The following WDR11 variants were observed in gnomAD, a reference collection of about 807,000 sequenced individuals.
The protein encoded by WDR11 is WD repeat domain 11, also known as WD repeat-containing protein 11.
Under a neutral mutation model 151.2 loss-of-function variants are expected in WDR11, and 83 were observed. The observed-to-expected ratio is 0.55, with a 90% confidence interval of 0.46 to 0.66. WDR11 has a LOEUF of 0.66. Ranked by LOEUF, WDR11 falls within the 30% of genes least tolerant of loss-of-function variation. WDR11 has a pLI of 0.00. For missense variants in WDR11, 1,301 were observed against 1,480.9 expected, an observed-to-expected ratio of 0.88 and a Z score of 1.99; for synonymous variants, 484 against 533.1, an observed-to-expected ratio of 0.91 and a Z score of 1.27.
At position 120,864,675 on chromosome 10, in the gene WDR11, G is replaced by GAA. The variant is rs1483972785; in HGVS notation, c.714-371_714-370insAA. On this transcript the variant is annotated intron_variant, in intron 5 of 28. Transcript: ENST00000263461. ...GTTGATGTTTTTCATCCTGAGTCTT[G>GAA]ATTTTAACAGTTTGCCTAGTACTTT... Among the ~76,000 whole-genome samples, 32 of 152,216 alleles carry GAA rather than the reference G, an allele frequency of 2.1e-4. No individual in the cohort carries two copies. The South Asian group carries it at 4.8e-3, about 23-fold the overall frequency.
At chr10:120,894,514 G>A (rs1188078003) in intron 19 of WDR11, among the ~76,000 whole-genome samples, 1 of 152,266 alleles carries the variant, frequency 6.6e-6, no homozygotes, top group African/African-American at 2.4e-5. Flanking sequence ...GTGTTCCTTA[G>A]CTCTCTTTTT....
chr10:120,859,445 T>G (rs534177500), intron 3 of WDR11, among the ~76,000 whole-genome samples: 11 of 151,780 alleles, frequency 7.2e-5, no homozygotes, highest in Non-Finnish European at 1.6e-4. Flanking sequence ...TTTTTTGTAT[T>G]TTTAGTAGAG....
intron 11 of WDR11, 134 bp from the exon 12 acceptor site, chr10:120,878,219 T>C (rs546211730): frequency 1.4e-3 from 969 of 680,338 alleles, no homozygotes; most frequent in Non-Finnish European, 2.1e-3. Context: ...CATGTTAAGA[T>C]AAAAGGTCAT....
intron 16 of WDR11, among the ~76,000 whole-genome samples, chr10:120,888,649 G>T (rs1441698711): frequency 6.6e-6 from 1 of 152,108 alleles, no homozygotes. Flanking sequence ...TTTTTCAATA[G>T]AAAAATCACG....
At chr10:120,857,605 G>T (rs1331297912) in intron 2 of WDR11, among the ~76,000 whole-genome samples, 3 of 152,096 alleles carry the variant, frequency 2.0e-5, no homozygotes, top group South Asian at 2.1e-4. Flanking sequence ...AAACCTTAAG[G>T]CCTGTTCACG....
Position 120,885,889 on chromosome 10 carries a change from A to C in WDR11, c.1924A>C (p.Thr642Pro). The C allele has an allele frequency of 6.2e-7, 1 of 1,613,890 alleles. No homozygotes were observed. The highest frequency in any genetic ancestry group is 2.2e-5 in the East Asian group (1 of 44,868). ...AACTCGAGAGGCCATGGCCCGCCAGACCGTAGTCTCAGACACAGAGCTGAG... is the reference window on the plus strand; with the variant it reads ...AACTCGAGAGGCCATGGCCCGCCAGCCCGTAGTCTCAGACACAGAGCTGAG... ...LATREAMARQTVVSDTELSIV... is the reference protein window; with the variant it reads ...LATREAMARQPVVSDTELSIV... Residue 642 changes from threonine to proline, a missense_variant, in exon 15 of 29, where the codon ACC becomes CCC. Transcript: ENST00000263461.
intron 16 of WDR11, among the ~76,000 whole-genome samples, chr10:120,888,057 A>G (rs1449910183): frequency 2.6e-5 from 4 of 152,170 alleles, no homozygotes; most frequent in South Asian, 2.1e-4. Context: ...CTAATGGTCA[A>G]TTATTCAAAC....
chr10:120,851,607 C>T (rs1217642647), intron 1 of WDR11, 101 bp downstream of exon 1: 19 of 1,446,058 alleles, frequency 1.3e-5, no homozygotes, highest in Non-Finnish European at 1.6e-5. Flanking sequence ...TTTGGCCTCG[C>T]TAAGGCAGGG....
chr10:120,873,008 T>G (rs1001068105), intron 10 of WDR11, among the ~76,000 whole-genome samples: 1 of 152,172 alleles, frequency 6.6e-6, no homozygotes, highest in Admixed American at 6.5e-5. Context: ...GCTTAACTTA[T>G]AAAAACACTA....
chr10:120,889,405 T>A, intron 17 of WDR11: 1 of 467,230 alleles, frequency 2.1e-6, no homozygotes, highest in South Asian at 2.1e-5. Context: ...GCCCGGCTAA[T>A]TTTTTTGTAT....
chr10:120,851,727 T>C (rs1845781844), intron 1 of WDR11: 1 of 612,942 alleles, frequency 1.6e-6, no homozygotes, highest in African/African-American at 1.8e-5. Flanking sequence ...TTCCCCTCTT[T>C]CTCGCGTATT....
chr10:120,858,846 GGA>G, intron 3 of WDR11, 50 bp downstream of exon 3: 1 of 1,611,768 alleles, frequency 6.2e-7, no homozygotes, highest in South Asian at 1.1e-5. Context: ...ACTTACTCTT[GGA>G]GTGGTTTTTT....
In WDR11 at chr10:120,862,359, C is replaced by T. The variant is rs185646921; in HGVS notation, c.527-376C>T. On this transcript the variant is annotated intron_variant, in intron 4 of 28. Transcript: ENST00000263461. ...TTCACCATGTTGATCAGGCTGGTCTCGAACTCCTGACTTCATGATCTGCCT... is the reference window on the plus strand; with the variant it reads ...TTCACCATGTTGATCAGGCTGGTCTTGAACTCCTGACTTCATGATCTGCCT... The T allele has an allele frequency of 1.3e-3, 257 of 203,602 alleles. 1 individual carries two copies. The highest frequency in any genetic ancestry group is 2.1e-3 in the Non-Finnish European group (213 of 100,570). 12.6% of individuals were successfully genotyped at this position (203,602 alleles called of 1,614,324 possible).
In WDR11 at chr10:120,893,435, T is replaced by G. The variant is rs1334898834; in HGVS notation, c.2515+2548T>G. Among the ~76,000 whole-genome samples the G allele has an allele frequency of 4.6e-5, 7 of 152,190 alleles. No individual in the cohort carries two copies. In the East Asian group the frequency reaches 1.3e-3, roughly 29 times the overall value. Reference sequence around the variant, plus strand: ...ATGATTGTTGGACATTTAGGTTGGTTCCAAGTCTTTGCTATTGTGAATAGT... The same window carrying G: ...ATGATTGTTGGACATTTAGGTTGGTGCCAAGTCTTTGCTATTGTGAATAGT... On this transcript the variant is annotated intron_variant, in intron 19 of 28. Transcript: ENST00000263461.
intron 2 of WDR11, among the ~76,000 whole-genome samples, chr10:120,854,361 T>C (rs1845878410): frequency 6.6e-6 from 1 of 152,244 alleles, no homozygotes; most frequent in South Asian, 2.1e-4. Context: ...ATCAATACTC[T>C]GTTACTGATG....
chr10:120,891,096 A>G (rs1847415253), intron 19 of WDR11, among the ~76,000 whole-genome samples: 2 of 147,706 alleles, frequency 1.4e-5, no homozygotes, highest in African/African-American at 2.5e-5. Context: ...ATCATTCTCA[A>G]TTCAGGTTTT....
intron 2 of WDR11, among the ~76,000 whole-genome samples, chr10:120,854,131 A>C (rs1845870513): frequency 6.6e-6 from 1 of 152,168 alleles, no homozygotes; most frequent in Admixed American, 6.5e-5. Context: ...ATTACAATGA[A>C]CTTTTTTACC....
chr10:120,852,900 C>T (rs1377152288), intron 2 of WDR11, among the ~76,000 whole-genome samples: 1 of 152,226 alleles, frequency 6.6e-6, no homozygotes, highest in Non-Finnish European at 1.5e-5. Flanking sequence ...GTTTTGAGCA[C>T]TTACCATATG....
chr10:120,891,971 T>A (rs544968948), intron 19 of WDR11, among the ~76,000 whole-genome samples: 1 of 152,254 alleles, frequency 6.6e-6, no homozygotes, highest in Non-Finnish European at 1.5e-5. Flanking sequence ...CAGGATGGCC[T>A]CCTAGGAAAG....
Sources: allele counts gnomAD v4.1 joint callset (sites outside exome capture counted in the v4.1 genomes callset), GRCh38; gene constraint gnomAD v4.1.1; transcripts MANE v1.5; gene names NCBI Gene and HGNC (gene_info 2026-07-23, HGNC 2026-07-21).